Variants in RGS18 observed in about 807,000 individuals in gnomAD.
RGS18 encodes the protein regulator of G-protein signaling 18.
Under a neutral mutation model 27.6 loss-of-function variants are expected in RGS18, and 22 were observed. The observed-to-expected ratio is 0.80, with a 90% CI of 0.57 to 1.14. The LOEUF is 1.14. RGS18 is among the 50% of genes most tolerant of loss of function. RGS18 has a pLI of 0.00. For missense variants in RGS18, 299 were observed against 269.6 expected (o/e 1.11, Z -0.76); for synonymous variants, 89 against 84.6 (o/e 1.05, Z -0.29).
intron 4 of RGS18, among the ~76,000 whole-genome samples, chr1:192,181,981 A>G (rs908822747): frequency 1.7e-4 from 26 of 151,618 alleles, no homozygotes; most frequent in African/African-American, 5.8e-4. Context: ...ATTTCACTTA[A>G]CATAATGTCC....
At chr1:192,172,402 C>G (rs950709905) in intron 3 of RGS18, among the ~76,000 whole-genome samples, 1 of 151,928 alleles carries the variant, frequency 6.6e-6, no homozygotes, top group African/African-American at 2.4e-5. Flanking sequence ...CTTCTTTGGT[C>G]TTCACCATAT....
In RGS18 at chr1:192,184,859, C is replaced by A. The variant is rs574369143; in HGVS notation, c.*305C>A. 6.1e-4 allele frequency: 148 copies of A among 242,946 alleles called. 1 individual carries two copies. In the South Asian group the frequency reaches 0.012, roughly 20 times the overall value. 15.0% of individuals were successfully genotyped at this position (242,946 alleles called of 1,614,324 possible). On this transcript the variant is annotated 3_prime_UTR_variant, in exon 5 of 5. Transcript: ENST00000367460. ...ATTGTAGAGTTAAGTAAAAGTTAAGCTTTTGCAAAGTTGTCAAAAGTTCAA... is the reference window on the plus strand; with the variant it reads ...ATTGTAGAGTTAAGTAAAAGTTAAGATTTTGCAAAGTTGTCAAAAGTTCAA...
chr1:192,171,604 A>G (rs1656258760), intron 3 of RGS18, among the ~76,000 whole-genome samples: 1 of 152,124 alleles, frequency 6.6e-6, no homozygotes, highest in African/African-American at 2.4e-5. Context: ...GTGGTGCAGA[A>G]GAGACCTATG....
chr1:192,166,709 A>T (rs1257722218), intron 3 of RGS18, among the ~76,000 whole-genome samples: 1 of 152,184 alleles, frequency 6.6e-6, no homozygotes. Flanking sequence ...TTTTTATTAT[A>T]ATAGGAAGAT....
intron 2 of RGS18, 57 bp downstream of exon 2, chr1:192,159,378 T>A: frequency 8.6e-7 from 1 of 1,162,146 alleles, no homozygotes; most frequent in Non-Finnish European, 1.3e-6. Flanking sequence ...ATTAAAGATT[T>A]AAGAAAAATG....
chr1:192,172,883 A>ATATATAT (rs55911826), intron 3 of RGS18, among the ~76,000 whole-genome samples: 1 of 141,748 alleles, frequency 7.1e-6, no homozygotes, highest in Non-Finnish European at 1.5e-5. Context: ...ATATATATAT[A>ATATATAT]AATATATATA....
At chr1:192,168,697 G>A (rs1422040267) in intron 3 of RGS18, 1 of 152,234 alleles carries the variant, frequency 6.6e-6, no homozygotes, top group East Asian at 1.9e-4. Flanking sequence ...TGCTTCCTCA[G>A]TCCTTGGTTC....
intron 3 of RGS18, among the ~76,000 whole-genome samples, chr1:192,181,025 G>T (rs564748754): frequency 2.0e-5 from 3 of 151,546 alleles, no homozygotes; most frequent in Non-Finnish European, 4.4e-5. Flanking sequence ...CACCGTAGGG[G>T]GTCCCTCTTA....
At chr1:192,182,967 T>A (rs763244187) in intron 4 of RGS18, among the ~76,000 whole-genome samples, 23 of 151,534 alleles carry the variant, frequency 1.5e-4, no homozygotes, top group Non-Finnish European at 3.0e-4. Context: ...AGTTTTCAAG[T>A]GGAAAACAAT....
rs1331949617 is a variant in RGS18, at chr1:192,184,590, A to T, written c.*36A>T. On this transcript the variant is annotated 3_prime_UTR_variant, in exon 5 of 5. Transcript: ENST00000367460. The stretch of plus-strand genomic sequence containing the variant: ...TTTTGCTCATTTTTATGACAAACTT[A>T]TACATCTGCTTCTAACATATCGCAT... 1 of 1,582,310 alleles carries T rather than the reference A, an allele frequency of 6.3e-7. No homozygotes were observed. Among genetic ancestry groups the T allele is most frequent in the Non-Finnish European group, 8.7e-7 (1 of 1,154,156 alleles).
chr1:192,169,553 G>A (rs1022713386), intron 3 of RGS18: 1 of 152,110 alleles, frequency 6.6e-6, no homozygotes, highest in Admixed American at 6.6e-5. Context: ...GGGAAAGGCA[G>A]GACCTATATC....
chr1:192,172,867 A>ATATATATATT (rs1656286546), intron 3 of RGS18, among the ~76,000 whole-genome samples: 1 of 132,806 alleles, frequency 7.5e-6, no homozygotes, highest in Admixed American at 7.5e-5. Flanking sequence ...AAATATGCAT[A>ATATATATATT]TATATATATA....
chr1:192,177,255 T>G (rs1226997038), intron 3 of RGS18, among the ~76,000 whole-genome samples: 4 of 151,638 alleles, frequency 2.6e-5, no homozygotes. Flanking sequence ...AGGACACAAT[T>G]TTGTGGATTT....
chr1:192,172,851 T>C (rs896440852), intron 3 of RGS18, among the ~76,000 whole-genome samples: 2 of 111,536 alleles, frequency 1.8e-5, no homozygotes, highest in Non-Finnish European at 3.9e-5. Context: ...AATGCCTTCC[T>C]GAGAAAAATA....
At chr1:192,173,279 A>G (rs1416114391) in intron 3 of RGS18, among the ~76,000 whole-genome samples, 5 of 152,008 alleles carry the variant, frequency 3.3e-5, no homozygotes, top group African/African-American at 1.2e-4. Flanking sequence ...TAATGCCAGA[A>G]TATTTGCACC....
At position 192,158,882 on chromosome 1, in the gene RGS18, A is replaced by G. The variant is rs28417375; in HGVS notation, c.119+126A>G. ...ATTGTTTGTATTGCTATAATTTGGGAAAAAAAAACACCTTTTTATTTCTTA... is the reference window on the plus strand; with the variant it reads ...ATTGTTTGTATTGCTATAATTTGGGGAAAAAAAACACCTTTTTATTTCTTA... On this transcript the variant is annotated intron_variant, in intron 1 of 4. Coordinates refer to ENST00000367460, the MANE Select transcript of RGS18 (RefSeq NM_130782.3). 208 of 652,908 alleles carry G rather than the reference A, an allele frequency of 3.2e-4. 1 individual carries two copies. The highest frequency in any genetic ancestry group is 1.0e-3 in the South Asian group (49 of 47,628). The allele number at this position is 652,908 out of a possible 1,614,324, so 40.4% of individuals were successfully genotyped here.
In RGS18 at chr1:192,185,529, T is replaced by A. The variant is rs1656533625; in HGVS notation, c.*975T>A. The A allele has an allele frequency of 6.6e-6, 1 of 151,660 alleles. No homozygotes were observed. The highest frequency in any genetic ancestry group is 2.4e-5 in the African/African-American group (1 of 41,362). 9.4% of individuals were successfully genotyped at this position (151,660 alleles called of 1,614,324 possible). On this transcript the variant is annotated 3_prime_UTR_variant, in exon 5 of 5. Coordinates refer to ENST00000367460, the MANE Select transcript of RGS18 (RefSeq NM_130782.3). ...ACATTGGTTCATATTCAGAAAGTGT[T>A]ATCTCATTGATTATATTCTTGTTAA... is the stretch of plus-strand genomic sequence containing the variant.
chr1:192,164,106 G>C (rs1656120877), intron 3 of RGS18, among the ~76,000 whole-genome samples: 1 of 151,984 alleles, frequency 6.6e-6, no homozygotes, highest in Admixed American at 6.6e-5. Context: ...TATTCAATTT[G>C]ACAAAAACAG....
rs2102162858 is a variant in RGS18, at chr1:192,184,628, A to G, written c.*74A>G. 1 of 1,403,280 alleles carries G rather than the reference A, an allele frequency of 7.1e-7. No individual in the cohort carries two copies. The highest frequency in any genetic ancestry group is 2.3e-5 in the East Asian group (1 of 42,748). The allele number at this position is 1,403,280 out of a possible 1,614,324, so 86.9% of individuals were successfully genotyped here. ...TAACATATCGCATGTTTATGTTAAG[A>G]TTTGGTCCCATCCTTTAAACTGAAA... is the stretch of plus-strand genomic sequence containing the variant. On this transcript the variant is annotated 3_prime_UTR_variant, in exon 5 of 5. Transcript: ENST00000367460.
Sources: allele counts gnomAD v4.1 joint callset (sites outside exome capture counted in the v4.1 genomes callset), GRCh38; gene constraint gnomAD v4.1.1; transcripts MANE v1.5; gene names NCBI Gene and HGNC (gene_info 2026-07-23, HGNC 2026-07-21).